The following EPB41L3 variants were observed in gnomAD, a reference collection of about 807,000 sequenced individuals.
EPB41L3 encodes band 4.1-like protein 3.
In EPB41L3, 57 loss-of-function variants were observed where a neutral mutation model predicts 127.1. That is an observed-to-expected ratio of 0.45 (90% CI 0.36 to 0.56). The LOEUF (loss-of-function observed/expected upper bound fraction) is 0.56, where lower values mean the gene tolerates loss of function less well. Among genes scored for constraint, EPB41L3 ranks in the 20% least tolerant of loss-of-function variants. The pLI is 0.00. For synonymous variants in EPB41L3, 572 were observed against 549.5 expected, an observed-to-expected ratio of 1.04 and a Z score of -0.57; for missense variants, 1,273 against 1,372.2, an observed-to-expected ratio of 0.93 and a Z score of 1.14.
chr18:5,398,175 C>G (rs775349276), intron 16 of EPB41L3, 32 bp from the exon 17 acceptor site: 4 of 1,611,312 alleles, frequency 2.5e-6, no homozygotes, highest in Non-Finnish European at 2.5e-6. Flanking sequence ...GAGTCAAGCA[C>G]AAAAGAGAGA....
intron 3 of EPB41L3, among the ~76,000 whole-genome samples, chr18:5,475,827 C>T (rs1351987808): frequency 6.6e-6 from 1 of 152,132 alleles, no homozygotes; most frequent in Non-Finnish European, 1.5e-5. Flanking sequence ...GCAATATAGG[C>T]TTTAAAGCTC....
intron 1 of EPB41L3, among the ~76,000 whole-genome samples, chr18:5,511,956 T>C (rs933012310): frequency 1.3e-5 from 2 of 152,222 alleles, no homozygotes; most frequent in Admixed American, 1.3e-4. Flanking sequence ...TGAGAATAAC[T>C]ACTTCAAAAT....
intron 1 of EPB41L3, among the ~76,000 whole-genome samples, chr18:5,518,037 A>AG (rs371879746): frequency 1.3e-5 from 2 of 152,224 alleles, no homozygotes; most frequent in Middle Eastern, 3.4e-3. Flanking sequence ...TGGGCTCCTA[A>AG]GGGGTCTCCC....
chr18:5,559,171 CAGTTACACCAA>C (rs2036785523), intron 3 of EPB41L3, among the ~76,000 whole-genome samples: 1 of 152,138 alleles, frequency 6.6e-6, no homozygotes, highest in South Asian at 2.1e-4. Flanking sequence ...TACAGTTGAA[CAGTTACACCAA>C]AGTTGCAGAC....
intron 12 of EPB41L3, 89 bp from the exon 13 acceptor site, chr18:5,416,467 TG>T: frequency 5.9e-6 from 8 of 1,353,410 alleles, no homozygotes; most frequent in Non-Finnish European, 7.9e-6. Flanking sequence ...AATTTTCTTA[TG>T]GGTATCAATA....
chr18:5,588,239 G>A (rs1213250604), intron 3 of EPB41L3, among the ~76,000 whole-genome samples: 1 of 152,012 alleles, frequency 6.6e-6, no homozygotes, highest in Non-Finnish European at 1.5e-5. Flanking sequence ...CCTGGGACTT[G>A]GGAATTCCAA....
chr18:5,477,446 G>A (rs1239550462), intron 3 of EPB41L3, among the ~76,000 whole-genome samples: 1 of 152,172 alleles, frequency 6.6e-6, no homozygotes, highest in Non-Finnish European at 1.5e-5. Context: ...CTGGAGGCAG[G>A]AAGAATGAGC....
At chr18:5,442,962 A>C (rs969046048) in intron 5 of EPB41L3, among the ~76,000 whole-genome samples, 2 of 152,202 alleles carry the variant, frequency 1.3e-5, no homozygotes, top group African/African-American at 4.8e-5. Context: ...AAGAGAGCTA[A>C]GATGTATTTA....
At chr18:5,589,477 G>A (rs943273598) in intron 3 of EPB41L3, among the ~76,000 whole-genome samples, 5 of 152,158 alleles carry the variant, frequency 3.3e-5, no homozygotes, top group African/African-American at 1.2e-4. Flanking sequence ...TTTTGATCAT[G>A]TGGCTATAAA....
intron 3 of EPB41L3, among the ~76,000 whole-genome samples, chr18:5,597,958 G>A (rs1416193438): frequency 6.6e-6 from 1 of 152,186 alleles, no homozygotes; most frequent in Non-Finnish European, 1.5e-5. Flanking sequence ...TGCTCTCTCT[G>A]TCCCAGATCC....
At position 5,485,695 on chromosome 18, in the gene EPB41L3, T is replaced by C. The variant is rs977618302; in HGVS notation, c.183+3306A>G. The stretch of plus-strand genomic sequence containing the variant: ...AATCAGTAGTGTTTAAATTTGTCAA[T>C]GGTAAACTATCTGAAAAAGATATCA... On this transcript the variant is annotated intron_variant, in intron 2 of 22. Coordinates refer to ENST00000341928, the MANE Select transcript of EPB41L3 (RefSeq NM_012307.5). 2.0e-5 allele frequency among the ~76,000 whole-genome samples: 3 copies of C among 152,186 alleles called. No homozygotes were observed. In the East Asian group the frequency reaches 5.8e-4, roughly 29 times the overall value.
At chr18:5,519,771 A>G (rs1424793009) in intron 1 of EPB41L3, among the ~76,000 whole-genome samples, 1 of 152,204 alleles carries the variant, frequency 6.6e-6, no homozygotes, top group African/African-American at 2.4e-5. Flanking sequence ...TAGAAAGGAT[A>G]TATTTCTCTT....
intron 14 of EPB41L3, 69 bp downstream of exon 14, chr18:5,410,496 TA>T: frequency 8.5e-7 from 1 of 1,179,104 alleles, no homozygotes; most frequent in Non-Finnish European, 1.3e-6. Flanking sequence ...GTGGAGTTCT[TA>T]AACACAGAGC....
intron 3 of EPB41L3, among the ~76,000 whole-genome samples, chr18:5,447,098 T>C (rs776918253): frequency 3.3e-5 from 5 of 152,206 alleles, no homozygotes; most frequent in Non-Finnish European, 7.3e-5. Flanking sequence ...GGGAAGTAGC[T>C]TTAGAATCAA....
chr18:5,524,845 T>G (rs2093159944), intron 1 of EPB41L3, among the ~76,000 whole-genome samples: 2 of 152,226 alleles, frequency 1.3e-5, no homozygotes, highest in South Asian at 4.1e-4. Flanking sequence ...CTGCCTATCA[T>G]TTAGCCAGGG....
chr18:5,519,324 G>A (rs988792799), intron 1 of EPB41L3, among the ~76,000 whole-genome samples: 5 of 152,194 alleles, frequency 3.3e-5, no homozygotes, highest in African/African-American at 9.7e-5. Context: ...AACCCATCGC[G>A]ACTATACTCC....
At chr18:5,462,757 A>G (rs78825526) in intron 3 of EPB41L3, among the ~76,000 whole-genome samples, 8,900 of 152,226 alleles carry the variant, frequency 0.058, 381 homozygotes, top group East Asian at 0.24. Flanking sequence ...AACCTCATTC[A>G]CTGCCAGGTT....
intron 3 of EPB41L3, among the ~76,000 whole-genome samples, chr18:5,460,153 A>G (rs2083738619): frequency 6.6e-6 from 1 of 152,140 alleles, no homozygotes; most frequent in African/African-American, 2.4e-5. Flanking sequence ...ATTGTGCAGC[A>G]TTTGGTTTTC....
upstream of EPB41L3, chr18:5,630,638 A>C (rs778800280): frequency 4.1e-5 from 17 of 419,328 alleles, no homozygotes; most frequent in Non-Finnish European, 7.9e-5. Context: ...CCAAGTTGCC[A>C]CCTGCAGCGC....
Sources: allele counts gnomAD v4.1 joint callset (sites outside exome capture counted in the v4.1 genomes callset), GRCh38; gene constraint gnomAD v4.1.1; transcripts MANE v1.5; gene names NCBI Gene and HGNC (gene_info 2026-07-23, HGNC 2026-07-21).